The following ADAMTS9 variants were observed in gnomAD, a reference collection of about 807,000 sequenced individuals.
The protein encoded by ADAMTS9 is A disintegrin and metalloproteinase with thrombospondin motifs 9.
In ADAMTS9, 107 loss-of-function variants were observed where a neutral mutation model predicts 257.1. The observed-to-expected ratio is 0.42, with a 90% confidence interval of 0.36 to 0.49. ADAMTS9 has a LOEUF of 0.49. Among genes scored for constraint, ADAMTS9 ranks in the 20% least tolerant of loss-of-function variants. ADAMTS9 has a pLI of 0.03. For synonymous variants in ADAMTS9, 982 were observed against 880.9 expected (o/e 1.11, Z -2.03); for missense variants, 2,353 against 2,469.1 (o/e 0.95, Z 1.00).
intron 38 of ADAMTS9, among the ~76,000 whole-genome samples, chr3:64,528,960 C>T (rs111426973): frequency 1.1e-3 from 161 of 152,190 alleles, no homozygotes; most frequent in African/African-American, 3.6e-3. Flanking sequence ...TCAGAGTCCA[C>T]GTGCTTCACC....
chr3:64,639,297 T>TTTG (rs1460925155), intron 12 of ADAMTS9, among the ~76,000 whole-genome samples: 3 of 143,958 alleles, frequency 2.1e-5, no homozygotes, highest in African/African-American at 7.9e-5. Flanking sequence ...TGGATTGTTT[T>TTTG]TTTTTTTTTT....
chr3:64,685,737 G>A (rs1038419703), intron 2 of ADAMTS9, among the ~76,000 whole-genome samples: 9 of 152,146 alleles, frequency 5.9e-5, no homozygotes, highest in African/African-American at 2.2e-4. Flanking sequence ...CTAGGGAAAC[G>A]TGCGCCGCAG....
At position 64,594,431 on chromosome 3, in the gene ADAMTS9, T is replaced by C. The variant is rs1241576746; in HGVS notation, c.4183A>G (p.Thr1395Ala). Reference sequence around the variant, plus strand: ...CTTATGCCTCCACCACACAGCTTAGTGCACTGGAAGAAGGAAAAGGAAGGC... The same window carrying C: ...CTTATGCCTCCACCACACAGCTTAGCGCACTGGAAGAAGGAAAAGGAAGGC... The part of the protein sequence containing the change: ...QWAYGNWGEC[T>A]KLCGGGIRTR... The change falls in exon 28 of 40, where the codon ACT becomes GCT. Residue 1395 changes from threonine (T) to alanine (A), a missense_variant. Thr to Ala is a moderately conservative substitution (Grantham distance 58). Transcript: ENST00000498707. The C allele has an allele frequency of 6.2e-7, 1 of 1,609,982 alleles. No individual in the cohort carries two copies. The highest frequency in any genetic ancestry group is 1.3e-5 in the African/African-American group (1 of 74,752).
rs1242645606 is a variant in ADAMTS9 at position 64,607,027 on chromosome 3, A to G, written c.3407T>C (p.Ile1136Thr). The G allele has an allele frequency of 1.9e-6, 3 of 1,613,836 alleles. No homozygotes were observed. The highest frequency in any genetic ancestry group is 4.5e-5 in the East Asian group (2 of 44,864). Reference protein sequence around the residue: ...GYQLRAVKCIIGTYMSVVDDN... With the variant: ...GYQLRAVKCITGTYMSVVDDN... ...ATCTACCACTGACATATAAGTCCCA[A>G]TGATGCATTTCACTGCTCTTAGCTG... Residue 1136 changes from isoleucine to threonine, a missense_variant, in exon 23 of 40, where the codon ATT (isoleucine) becomes ACT (threonine). By Grantham distance (89) the Ile-to-Thr change is moderately conservative (BLOSUM62 -1). Coordinates refer to ENST00000498707, the MANE Select transcript of ADAMTS9 (RefSeq NM_182920.2).
At position 64,616,112 on chromosome 3, in the gene ADAMTS9, A is replaced by G. The variant is rs1249261872; in HGVS notation, c.2872T>C (p.Leu958=). The G allele has an allele frequency of 2.5e-6, 4 of 1,614,126 alleles. No homozygotes were observed. The highest frequency in any genetic ancestry group is 1.3e-5 in the African/African-American group (1 of 75,044). The stretch of plus-strand genomic sequence containing the variant: ...CTATATTTGGCACAGTAGATGTCCA[A>G]TGTGCGGTAACCCAAGCCACACTGG... ...SAQCGLGYRT[L]DIYCAKYSRL... The change falls in exon 20 of 40, where the codon TTG becomes CTG. Residue 958 remains leucine (L), a synonymous_variant. Coordinates refer to ENST00000498707, the MANE Select transcript of ADAMTS9 (RefSeq NM_182920.2).
intron 8 of ADAMTS9, among the ~76,000 whole-genome samples, chr3:64,651,385 A>G (rs1036794582): frequency 6.6e-6 from 1 of 152,208 alleles, no homozygotes; most frequent in African/African-American, 2.4e-5. Flanking sequence ...AAGGCATAAA[A>G]TGTATTTTAA....
At chr3:64,556,714 TTTCCTTCCTTCCTTCCTTCC>T (rs59682586) in intron 30 of ADAMTS9, among the ~76,000 whole-genome samples, 8 of 138,106 alleles carry the variant, frequency 5.8e-5, no homozygotes, top group East Asian at 2.1e-4. Context: ...TCTATGTTTT[TTTCCTTCCTTCCTTCCTTCC>T]TTCCTTCCTT....
chr3:64,574,720 G>GACAC lies in ADAMTS9; in HGVS notation c.4357-6189_4357-6186dup, dbSNP rs58224950. 9.3e-5 allele frequency among the ~76,000 whole-genome samples: 14 copies of GACAC among 150,802 alleles called. No individual in the cohort carries two copies. The East Asian group carries it at 2.8e-3, about 30-fold the overall frequency. ...CACTCCAGCCTGGTTGACAGGGCAA[G>GACAC]ACACACACACACCGCCCCCCTCCCC... On this transcript the variant is annotated intron_variant, in intron 28 of 39. Coordinates refer to ENST00000498707, the MANE Select transcript of ADAMTS9 (RefSeq NM_182920.2).
intron 2 of ADAMTS9, among the ~76,000 whole-genome samples, chr3:64,682,928 C>A (rs376246002): frequency 1.3e-5 from 2 of 152,102 alleles, no homozygotes; most frequent in African/African-American, 2.4e-5. Flanking sequence ...TAGGGCATTA[C>A]CCCCTACTCA....
intron 4 of ADAMTS9, among the ~76,000 whole-genome samples, chr3:64,657,680 T>C (rs970157533): frequency 3.6e-5 from 5 of 139,448 alleles, no homozygotes; most frequent in Non-Finnish European, 7.9e-5. Flanking sequence ...TACATGAAAA[T>C]TTAAAATTAG....
intron 30 of ADAMTS9, among the ~76,000 whole-genome samples, chr3:64,552,498 T>C (rs555088629): frequency 4.4e-4 from 67 of 152,266 alleles, no homozygotes; most frequent in Non-Finnish European, 5.7e-4. Context: ...AGGGATTGAA[T>C]ACCCTGTTGG....
rs775367607 is a variant in ADAMTS9, at chr3:64,686,821, G to T, written c.263C>A (p.Ser88Tyr). The change falls in exon 2 of 40, where the codon TCC becomes TAC. Residue 88 changes from serine (S) to tyrosine (Y), a missense_variant. By Grantham distance (144) the Ser-to-Tyr change is moderately radical (BLOSUM62 -2). This residue lies in a region of ADAMTS9 where 591 missense variants were observed against 569.6 expected (regional missense o/e 1.04). Transcript: ENST00000498707. The surrounding 1 kb of genome is among the most constrained non-coding windows in gnomAD (Gnocchi z 4.6). ...SATDPWPAFA[S>Y]SSSSSTSSQA... ...GGAGGAGGTAGAGGAGGAAGAGGAGGAGGCGAAGGCAGGCCAGGGGTCAGT... is the reference window on the plus strand; with the variant it reads ...GGAGGAGGTAGAGGAGGAAGAGGAGTAGGCGAAGGCAGGCCAGGGGTCAGT... 6.2e-7 allele frequency: 1 copy of T among 1,614,138 alleles called. No individual in the cohort carries two copies. Among genetic ancestry groups the T allele is most frequent in the East Asian group, 2.2e-5 (1 of 44,860 alleles).
intron 38 of ADAMTS9, among the ~76,000 whole-genome samples, chr3:64,532,434 C>A (rs1050543095): frequency 2.6e-5 from 4 of 152,096 alleles, no homozygotes; most frequent in Non-Finnish European, 5.9e-5. Context: ...AGGGTTTCTA[C>A]CGAGCGTGTT....
At chr3:64,548,407 G>A (rs1267451371) in intron 31 of ADAMTS9, among the ~76,000 whole-genome samples, 4 of 152,316 alleles carry the variant, frequency 2.6e-5, no homozygotes, top group East Asian at 3.9e-4. Flanking sequence ...AGGCCAGCCC[G>A]GGGTGTTTCA....
chr3:64,615,941 T>C lies in ADAMTS9; in HGVS notation c.3024+19A>G. The C allele has an allele frequency of 6.2e-7, 1 of 1,612,262 alleles. No homozygotes were observed. Among genetic ancestry groups the C allele is most frequent in the Non-Finnish European group, 8.5e-7 (1 of 1,179,804 alleles). On this transcript the variant is annotated intron_variant, in intron 20 of 39. Transcript: ENST00000498707. Reference sequence around the variant, plus strand: ...TCAGACAGCATCCAAGAAGACTCTTTGAGTGAGAGCCAACTTACTTCAGTC... The same window carrying C: ...TCAGACAGCATCCAAGAAGACTCTTCGAGTGAGAGCCAACTTACTTCAGTC...
intron 3 of ADAMTS9, among the ~76,000 whole-genome samples, chr3:64,660,892 A>G (rs1701205205): frequency 6.6e-6 from 1 of 152,230 alleles, no homozygotes; most frequent in African/African-American, 2.4e-5. Context: ...GAAATTGTGA[A>G]GAATGAAAAG....
At chr3:64,649,515 C>T in intron 10 of ADAMTS9, 122 bp downstream of exon 10, 1 of 1,153,442 alleles carries the variant, frequency 8.7e-7, no homozygotes, top group Non-Finnish European at 1.2e-6. Context: ...CACTAATATG[C>T]AATTTTACTC....
chr3:64,521,170 C>A (rs559486950), intron 39 of ADAMTS9, among the ~76,000 whole-genome samples: 1 of 152,196 alleles, frequency 6.6e-6, no homozygotes, highest in East Asian at 1.9e-4. Context: ...AGAAGACACA[C>A]AAGCAGCCAA....
chr3:64,571,187 T>TA (rs2083676256), intron 28 of ADAMTS9, among the ~76,000 whole-genome samples: 2 of 152,216 alleles, frequency 1.3e-5, no homozygotes, highest in Non-Finnish European at 2.9e-5. Context: ...TTGGAAAAGG[T>TA]ACAACTCTCT....
Sources: gnomAD v4.1 joint callset for allele counts (sites outside exome capture counted in the v4.1 genomes callset) on GRCh38, gnomAD v4.1.1 for gene constraint, gnomAD v4.1.1 regional missense constraint, Gnocchi (gnomAD v3.1) non-coding constraint, MANE v1.5 for transcripts, NCBI Gene and HGNC (gene_info 2026-07-23, HGNC 2026-07-21) for gene names.